SLC36A1: variants seen among roughly 807,000 people sequenced by gnomAD.
The protein encoded by SLC36A1 is proton-coupled amino acid transporter 1.
SLC36A1 carries 30 observed loss-of-function variants against 47.5 expected under a neutral mutation model. The ratio of observed to expected loss-of-function variants is 0.63; its 90% CI spans 0.47 to 0.86. The LOEUF (loss-of-function observed/expected upper bound fraction) is 0.86. SLC36A1 is among the 40% of genes least tolerant of loss of function. SLC36A1 has a pLI of 0.00. For synonymous variants in SLC36A1, 255 were observed against 249.7 expected, an observed-to-expected ratio of 1.02 and a Z score of -0.20; for missense variants, 517 against 606.0, an observed-to-expected ratio of 0.85 and a Z score of 1.54.
chr5:151,535,844 T>C, the SLC36A1 span, among the ~76,000 whole-genome samples: 1 of 152,180 alleles, frequency 6.6e-6, no homozygotes, highest in South Asian at 2.1e-4. Flanking sequence ...GGGTCTCCGC[T>C]GCTTGTTGTA....
chr5:151,439,676 A>G (rs1752509847), intron 1 of SLC36A1, among the ~76,000 whole-genome samples: 2 of 151,224 alleles, frequency 1.3e-5, no homozygotes, highest in East Asian at 3.9e-4. Flanking sequence ...AAGAAAAAAA[A>G]AAAAGAAAAA....
At chr5:151,345,518 A>G in the SLC36A1 span, among the ~76,000 whole-genome samples, 4 of 152,198 alleles carry the variant, frequency 2.6e-5, no homozygotes, top group Non-Finnish European at 5.9e-5. Context: ...GTCTCTGTAC[A>G]TAGATTCATC....
At chr5:151,510,568 A>G in the SLC36A1 span, 1 of 160,002 alleles carries the variant, frequency 6.2e-6, no homozygotes, top group African/African-American at 2.4e-5. Context: ...AGATGAGGAA[A>G]GGAGGCACAG....
chr5:151,367,894 T>C, the SLC36A1 span, among the ~76,000 whole-genome samples: 1 of 152,196 alleles, frequency 6.6e-6, no homozygotes, highest in Non-Finnish European at 1.5e-5. Context: ...GTCTTGCTAA[T>C]AACTCTCTAT....
the SLC36A1 span, among the ~76,000 whole-genome samples, chr5:151,420,868 C>CTTTT: frequency 1.4e-5 from 2 of 144,134 alleles, no homozygotes; most frequent in Non-Finnish European, 1.5e-5. Context: ...TTCTTTCTTT[C>CTTTT]TCTTTCTTTC....
the SLC36A1 span, chr5:151,505,727 C>G: frequency 6.2e-7 from 1 of 1,613,954 alleles, no homozygotes; most frequent in Non-Finnish European, 8.5e-7. Flanking sequence ...TACCCACCCC[C>G]TTGTAGCCCC....
chr5:151,544,921 T>G, the SLC36A1 span: 1 of 1,614,008 alleles, frequency 6.2e-7, no homozygotes. Context: ...ATGCTTAAAT[T>G]TGGGGGGATT....
chr5:151,358,329 A>G, the SLC36A1 span, among the ~76,000 whole-genome samples: 1 of 151,346 alleles, frequency 6.6e-6, no homozygotes, highest in Admixed American at 6.6e-5. Flanking sequence ...GTTGTAGTGC[A>G]TTGGTGATCC....
At chr5:151,553,394 G>C in the SLC36A1 span, 2 of 1,613,678 alleles carry the variant, frequency 1.2e-6, no homozygotes, top group African/African-American at 2.7e-5. Context: ...TGATCTGAAA[G>C]GAGGCCAACA....
chr5:151,398,005 C>A, the SLC36A1 span, among the ~76,000 whole-genome samples: 4 of 151,956 alleles, frequency 2.6e-5, no homozygotes, highest in Non-Finnish European at 4.4e-5. Flanking sequence ...GTAGTCCCAG[C>A]TACTCAGGAG....
the SLC36A1 span, chr5:151,382,110 G>A: frequency 2.8e-4 from 230 of 825,966 alleles, no homozygotes; most frequent in Non-Finnish European, 4.5e-4. Context: ...CATCCACATG[G>A]TGCTGACAGA....
chr5:151,540,747 G>T, the SLC36A1 span: 1 of 1,613,940 alleles, frequency 6.2e-7, no homozygotes, highest in Non-Finnish European at 8.5e-7. Flanking sequence ...TGCCAAACTG[G>T]CCCAGGGGGT....
chr5:151,456,679 C>G (rs1754572109), intron 1 of SLC36A1, among the ~76,000 whole-genome samples: 1 of 152,142 alleles, frequency 6.6e-6, no homozygotes, highest in Non-Finnish European at 1.5e-5. Flanking sequence ...GGCAATGAAG[C>G]TAGGCAGGAT....
intron 3 of SLC36A1, among the ~76,000 whole-genome samples, chr5:151,464,136 A>C (rs960464785): frequency 1.3e-5 from 2 of 152,150 alleles, no homozygotes; most frequent in Non-Finnish European, 2.9e-5. Flanking sequence ...GCCCTTAGCT[A>C]AGTGCAGTCT....
the SLC36A1 span, among the ~76,000 whole-genome samples, chr5:151,535,578 A>C: frequency 6.6e-6 from 1 of 152,118 alleles, no homozygotes; most frequent in Non-Finnish European, 1.5e-5. Flanking sequence ...TATCCTTTGC[A>C]GTATCCTTTA....
the SLC36A1 span, among the ~76,000 whole-genome samples, chr5:151,519,394 A>G: frequency 2.2e-4 from 33 of 152,334 alleles, no homozygotes; most frequent in East Asian, 2.3e-3. Flanking sequence ...GACACTGGCA[A>G]TTCCATTGTA....
In SLC36A1 at chr5:151,463,593, G is replaced by A; in HGVS notation, c.184G>A (p.Gly62Ser). 1 of 1,614,168 alleles carries A rather than the reference G, an allele frequency of 6.2e-7. No individual in the cohort carries two copies. The highest frequency in any genetic ancestry group is 2.2e-5 in the East Asian group (1 of 44,886). ...GATCCACCTGTTAAAAGGCAACATT[G>A]GCACAGGACTCCTGGGACTCCCTCT... The part of the protein sequence containing the change: ...TLIHLLKGNI[G>S]TGLLGLPLAV... The change falls in exon 3 of 11, where the codon GGC becomes AGC. Residue 62 changes from glycine to serine, a missense_variant. Physicochemically the swap from Gly to Ser is moderately conservative, Grantham distance 56. Transcript: ENST00000243389.
chr5:151,399,667 G>A, the SLC36A1 span, among the ~76,000 whole-genome samples: 1 of 152,124 alleles, frequency 6.6e-6, no homozygotes, highest in Non-Finnish European at 1.5e-5. Flanking sequence ...ATCATAGTGT[G>A]TAAATAGGGT....
chr5:151,464,706 A>G, intron 4 of SLC36A1, 104 bp downstream of exon 4: 3 of 955,538 alleles, frequency 3.1e-6, no homozygotes, highest in Admixed American at 2.0e-5. Context: ...AATTCTTTAC[A>G]CTGGCTGGAG....
Sources: gnomAD v4.1 joint callset for allele counts (sites outside exome capture counted in the v4.1 genomes callset) on GRCh38, gnomAD v4.1.1 for gene constraint, MANE v1.5 for transcripts, NCBI Gene and HGNC (gene_info 2026-07-23, HGNC 2026-07-21) for gene names.